The following SYNE1 variants were observed in gnomAD, a reference collection of about 807,000 sequenced individuals.
SYNE1 encodes nesprin-1.
SYNE1 carries 616 observed loss-of-function variants against 1,111.0 expected under a neutral mutation model. The ratio of observed to expected loss-of-function variants is 0.55; its 90% CI spans 0.52 to 0.59. SYNE1 has a LOEUF of 0.59. SYNE1 is among the 20% of genes least tolerant of loss of function. The pLI, the probability that SYNE1 is intolerant of heterozygous loss-of-function variation, is 0.00. For missense variants in SYNE1, 10,006 were observed against 10,417.0 expected, an observed-to-expected ratio of 0.96 and a Z score of 1.72; for synonymous variants, 3,855 against 3,825.8, an observed-to-expected ratio of 1.01 and a Z score of -0.28.
intron 50 of SYNE1, among the ~76,000 whole-genome samples, chr6:152,396,229 A>C (rs1489837802): frequency 1.3e-5 from 2 of 152,188 alleles, no homozygotes; most frequent in African/African-American, 4.8e-5. Flanking sequence ...TAAGTTTTGG[A>C]AACAATGTAA....
rs992061610 is a variant in SYNE1 at position 152,396,956 on chromosome 6, C to T, written c.7375G>A (p.Gly2459Arg). 5 of 1,613,996 alleles carry T rather than the reference C, an allele frequency of 3.1e-6. No homozygotes were observed. Among genetic ancestry groups the T allele is most frequent in the Non-Finnish European group, 3.4e-6 (4 of 1,180,032 alleles). The change falls in exon 50 of 146, where the codon GGG (glycine) becomes AGG (arginine). Residue 2459 changes from glycine (G) to arginine (R), a missense_variant. Transcript: ENST00000367255. ...GTCACTGCATCAAGTTTGCTCTGCC[C>T]ATCACTGACTGAGTCCAAAATGTTC... Reference protein sequence around the residue: ...LQNILDSVSDGQSKLDAVTQE... With the variant: ...LQNILDSVSDRQSKLDAVTQE...
chr6:152,283,723 G>A (rs1302181907), intron 96 of SYNE1, among the ~76,000 whole-genome samples: 2 of 152,040 alleles, frequency 1.3e-5, no homozygotes, highest in Non-Finnish European at 2.9e-5. Flanking sequence ...TTTTAGTAGA[G>A]ACAGGGTTTC....
Position 152,632,116 on chromosome 6 carries a change from A to C in SYNE1, c.-223-3562T>G, listed in dbSNP as rs2099698886. Among the ~76,000 whole-genome samples, 5 of 152,168 alleles carry C rather than the reference A, an allele frequency of 3.3e-5. No homozygotes were observed. In the South Asian group the frequency reaches 1.0e-3, roughly 31 times the overall value. On this transcript the variant is annotated intron_variant, in intron 2 of 145. Coordinates refer to ENST00000367255, the MANE Select transcript of SYNE1 (RefSeq NM_182961.4). The stretch of plus-strand genomic sequence containing the variant: ...TCTATCTTTCACTACTGCTAGTCTT[A>C]CCTCACTCTAAAGAAACAGTGAACA...
intron 74 of SYNE1, among the ~76,000 whole-genome samples, chr6:152,341,357 A>T (rs777585573): frequency 2.6e-5 from 4 of 152,194 alleles, no homozygotes; most frequent in Non-Finnish European, 5.9e-5. Context: ...TATATAGTTG[A>T]TCTGATTCCG....
At chr6:152,421,092 C>A (rs1158908704) in intron 39 of SYNE1, among the ~76,000 whole-genome samples, 2 of 152,078 alleles carry the variant, frequency 1.3e-5, no homozygotes, top group African/African-American at 2.4e-5. Context: ...TTTATAGAAC[C>A]AATGAAAAGC....
intron 95 of SYNE1, among the ~76,000 whole-genome samples, chr6:152,289,628 T>G (rs2094485946): frequency 6.6e-6 from 1 of 152,000 alleles, no homozygotes; most frequent in Non-Finnish European, 1.5e-5. Flanking sequence ...TTTTATTTAT[T>G]TATTTATTTA....
At chr6:152,572,532 T>C (rs1017134039) in intron 3 of SYNE1, among the ~76,000 whole-genome samples, 5 of 152,112 alleles carry the variant, frequency 3.3e-5, no homozygotes, top group Admixed American at 6.6e-5. Context: ...AAGAGCACTT[T>C]TTATGGATTA....
intron 73 of SYNE1, 82 bp from the exon 74 acceptor site, chr6:152,344,309 C>G: frequency 6.3e-7 from 1 of 1,575,934 alleles, no homozygotes; most frequent in Non-Finnish European, 8.7e-7. Context: ...GAAACATGAC[C>G]AGTACATCTA....
At chr6:152,597,069 T>A (rs910360580) in intron 3 of SYNE1, among the ~76,000 whole-genome samples, 12 of 152,186 alleles carry the variant, frequency 7.9e-5, no homozygotes, top group African/African-American at 2.4e-4. Context: ...GCATAAAAAA[T>A]TTTTGTTAAA....
At chr6:152,634,145 C>T (rs1427612727) in intron 2 of SYNE1, among the ~76,000 whole-genome samples, 1 of 152,194 alleles carries the variant, frequency 6.6e-6, no homozygotes, top group Non-Finnish European at 1.5e-5. Flanking sequence ...TACTGAGCCA[C>T]AAGAATATAT....
intron 80 of SYNE1, 151 bp downstream of exon 80, chr6:152,325,807 A>T: frequency 2.0e-6 from 2 of 1,015,174 alleles, no homozygotes; most frequent in Non-Finnish European, 2.9e-6. Flanking sequence ...AATAGCATTT[A>T]ATAAACTTAA....
intron 127 of SYNE1, among the ~76,000 whole-genome samples, chr6:152,192,807 A>G (rs1363248409): frequency 2.6e-5 from 4 of 151,992 alleles, no homozygotes. Context: ...CCCCTTTTTC[A>G]TCATATAATG....
chr6:152,455,533 T>A lies in SYNE1; in HGVS notation c.2785A>T (p.Met929Leu). ...KKHVETNSRL[M>L]KKFEESRAEL... ...GCTCGAGACTCCTCAAACTTCTTCA[T>A]CAAGCGACTGTTGGTTTCCACATGC... The change falls in exon 24 of 146, where the codon ATG (methionine) becomes TTG (leucine). Residue 929 changes from methionine (M) to leucine (L), a missense_variant. Physicochemically the swap from Met to Leu is conservative, Grantham distance 15. Around this residue, in one of 7 missense-constraint regions of SYNE1, gnomAD observed 1,971 missense variants for 2,084.1 expected, o/e 0.95. Transcript: ENST00000367255. 6.2e-7 allele frequency: 1 copy of A among 1,614,204 alleles called. No individual in the cohort carries two copies. The highest frequency in any genetic ancestry group is 8.5e-7 in the Non-Finnish European group (1 of 1,180,024).
intron 32 of SYNE1, among the ~76,000 whole-genome samples, chr6:152,438,160 C>T (rs1592696760): frequency 6.6e-6 from 1 of 152,144 alleles, no homozygotes; most frequent in Admixed American, 6.5e-5. Context: ...ACATTAAATT[C>T]TTTGGATAAA....
chr6:152,549,122 AC>A (rs1277523464), intron 3 of SYNE1, among the ~76,000 whole-genome samples: 21 of 152,180 alleles, frequency 1.4e-4, no homozygotes, highest in African/African-American at 4.8e-4. Context: ...CCACAGGTGA[AC>A]CCAAGTGAAG....
intron 9 of SYNE1, 99 bp from the exon 10 acceptor site, chr6:152,502,841 C>T (rs1438776952): frequency 1.7e-5 from 16 of 924,694 alleles, no homozygotes; most frequent in South Asian, 2.8e-5. Context: ...AAACGCTAAA[C>T]GCAGAAGGAA....
intron 95 of SYNE1, among the ~76,000 whole-genome samples, chr6:152,291,417 A>C (rs1468579696): frequency 6.6e-6 from 1 of 152,020 alleles, no homozygotes; most frequent in Non-Finnish European, 1.5e-5. Flanking sequence ...AGGGAAAAAA[A>C]GTCATGTGGT....
At position 152,395,617 on chromosome 6, in the gene SYNE1, C is replaced by T. The variant is rs568309673; in HGVS notation, c.7611G>A (p.Arg2537=). ...TCTCTCCCAAGTTTTCCGTATTGAA[C>T]CTTTCTTCCATTTCATGGATCCATA... ...LNLWIHEMEE[R]FNTENLGESK... The change falls in exon 51 of 146, where the codon AGG becomes AGA. Residue 2537 remains arginine, a synonymous_variant. Transcript: ENST00000367255. 1.9e-6 allele frequency: 3 copies of T among 1,614,174 alleles called. No individual in the cohort carries two copies. The highest frequency in any genetic ancestry group is 1.3e-5 in the African/African-American group (1 of 75,056).
intron 45 of SYNE1, among the ~76,000 whole-genome samples, 161 bp from the exon 46 acceptor site, chr6:152,404,475 C>T (rs1393190630): frequency 1.3e-5 from 2 of 151,894 alleles, no homozygotes; most frequent in African/African-American, 2.4e-5. Flanking sequence ...GATGTACAAA[C>T]GTGGAAAATG....
Sources: allele counts gnomAD v4.1 joint callset (sites outside exome capture counted in the v4.1 genomes callset), GRCh38; gene constraint gnomAD v4.1.1; regional missense constraint gnomAD v4.1.1; transcripts MANE v1.5; gene names NCBI Gene and HGNC (gene_info 2026-07-23, HGNC 2026-07-21).